RFX7: variants seen among roughly 807,000 people sequenced by gnomAD.
RFX7 encodes regulatory factor X7.
A neutral mutation model predicts 111.8 loss-of-function variants in RFX7; 26 were observed. The observed-to-expected ratio is 0.23, with a 90% CI of 0.17 to 0.32. RFX7 has a LOEUF of 0.32. Ranked by LOEUF, RFX7 falls within the 10% of genes least tolerant of loss-of-function variation. The pLI is 1.00. For missense variants in RFX7, 1,573 were observed against 1,772.9 expected, an observed-to-expected ratio of 0.89 and a Z score of 2.02; for synonymous variants, 624 against 624.4, an observed-to-expected ratio of 1.00 and a Z score of 0.01.
Position 56,179,282 on chromosome 15 carries a change from C to A in RFX7, c.183G>T (p.Val61=). 7.8e-7 allele frequency: 1 copy of A among 1,286,776 alleles called. No homozygotes were observed. Among genetic ancestry groups the A allele is most frequent in the East Asian group, 5.1e-5 (1 of 19,788 alleles). 79.7% of individuals were successfully genotyped at this position (1,286,776 alleles called of 1,614,324 possible). A position where few individuals can be genotyped will look rare whatever the true frequency, so the allele number is the denominator to read the frequency against. Residue 61 remains valine (V), a synonymous_variant, in exon 3 of 10, where the codon GTG becomes GTT. Coordinates refer to ENST00000559447, the MANE Select transcript of RFX7 (RefSeq NM_022841.7). ...TTATTTCACTTACCAAAATGCAGTCCACTTTAGATTGTACAGTTTTGCTAA... is the reference window on the plus strand; with the variant it reads ...TTATTTCACTTACCAAAATGCAGTCAACTTTAGATTGTACAGTTTTGCTAA... ...NSICKTVQSK[V]DCILQEVEKF... is the part of the protein sequence containing the mutation.
chr15:56,124,330 G>A (rs1479203968), intron 5 of RFX7, among the ~76,000 whole-genome samples: 1 of 151,878 alleles, frequency 6.6e-6, no homozygotes, highest in African/African-American at 2.4e-5. Flanking sequence ...GCTGAGGCAG[G>A]AGAATGGTGT....
At chr15:56,197,224 ATTATT>A (rs1216881787) in intron 2 of RFX7, among the ~76,000 whole-genome samples, 1 of 151,896 alleles carries the variant, frequency 6.6e-6, no homozygotes, top group Non-Finnish European at 1.5e-5. Context: ...GGTGGTTTTT[ATTATT>A]TTATTTACTA....
intron 5 of RFX7, among the ~76,000 whole-genome samples, chr15:56,133,246 C>A (rs562281700): frequency 6.6e-6 from 1 of 152,070 alleles, no homozygotes; most frequent in Admixed American, 6.6e-5. Context: ...ACTGTTTTTG[C>A]ATACTGAAAG....
chr15:56,189,544 T>C (rs1179295281), intron 2 of RFX7, among the ~76,000 whole-genome samples: 3 of 151,600 alleles, frequency 2.0e-5, no homozygotes, highest in Admixed American at 1.3e-4. Context: ...TACAACTCCA[T>C]AGTAAAGACA....
chr15:56,102,237 G>C lies in RFX7; in HGVS notation c.535C>G (p.Leu179Val), dbSNP rs1484500035. The C allele has an allele frequency of 1.3e-5, 21 of 1,609,374 alleles. No homozygotes were observed. The highest frequency in any genetic ancestry group is 1.7e-5 in the Non-Finnish European group (20 of 1,176,702). ...ATATGAACAAAAGCTTTTTTTCTTAGTCCACTGTAGCAATATGTAATAAAC... is the reference window on the plus strand; with the variant it reads ...ATATGAACAAAAGCTTTTTTTCTTACTCCACTGTAGCAATATGTAATAAAC... Reference protein sequence around the residue: ...RGKSKYCYSGLRKKAFVHMPT... With the variant: ...RGKSKYCYSGVRKKAFVHMPT... The change falls in exon 7 of 10, where the codon CTA becomes GTA. Residue 179 changes from leucine (L) to valine (V), a missense_variant. Transcript: ENST00000559447.
At chr15:56,151,395 A>G (rs1044022963) in intron 3 of RFX7, among the ~76,000 whole-genome samples, 3 of 152,332 alleles carry the variant, frequency 2.0e-5, no homozygotes, top group South Asian at 2.1e-4. Flanking sequence ...AGAGAGTGGG[A>G]GCCAATATTC....
At chr15:56,185,171 T>C (rs2043024505) in intron 2 of RFX7, among the ~76,000 whole-genome samples, 1 of 152,202 alleles carries the variant, frequency 6.6e-6, no homozygotes, top group Non-Finnish European at 1.5e-5. Context: ...TAGTATTTTG[T>C]TATTTACTTT....
chr15:56,232,289 T>C (rs375155960), intron 2 of RFX7, among the ~76,000 whole-genome samples: 3 of 152,202 alleles, frequency 2.0e-5, no homozygotes, highest in Non-Finnish European at 4.4e-5. Flanking sequence ...TGTCTGGACA[T>C]CCAGCTGTTT....
chr15:56,095,675 T>C lies in RFX7; in HGVS notation c.2053A>G (p.Ile685Val). The C allele has an allele frequency of 6.2e-7, 1 of 1,613,998 alleles. No individual in the cohort carries two copies. Among genetic ancestry groups the C allele is most frequent in the Non-Finnish European group, 8.5e-7 (1 of 1,179,862 alleles). ...PIVEQLSAAT[I>V]EGQKQGSVKK... Reference sequence around the variant, plus strand: ...ACACTGCCTTGTTTCTGCCCTTCTATGGTAGCTGCTGAAAGCTGTTCCACA... The same window carrying C: ...ACACTGCCTTGTTTCTGCCCTTCTACGGTAGCTGCTGAAAGCTGTTCCACA... The change falls in exon 10 of 10, where the codon ATA (isoleucine) becomes GTA (valine). Residue 685 changes from isoleucine (I) to valine (V), a missense_variant. This residue lies in a region of RFX7 where 625 missense variants were observed against 632.2 expected (regional missense o/e 0.99). Transcript: ENST00000559447.
chr15:56,208,319 G>A (rs1426901263), intron 2 of RFX7, among the ~76,000 whole-genome samples: 2 of 152,146 alleles, frequency 1.3e-5, no homozygotes, highest in Non-Finnish European at 2.9e-5. Flanking sequence ...TAGCCATCCT[G>A]TTCCAAGTAA....
At chr15:56,168,223 A>C (rs1328624739) in intron 3 of RFX7, among the ~76,000 whole-genome samples, 1 of 152,234 alleles carries the variant, frequency 6.6e-6, no homozygotes, top group African/African-American at 2.4e-5. Flanking sequence ...ATGAGGACTG[A>C]ATGATAAAAC....
intron 2 of RFX7, among the ~76,000 whole-genome samples, chr15:56,210,673 G>C (rs1246777885): frequency 2.6e-5 from 4 of 151,774 alleles, no homozygotes; most frequent in African/African-American, 9.7e-5. Flanking sequence ...CAAAATACGT[G>C]GAAATTAAAC....
intron 6 of RFX7, among the ~76,000 whole-genome samples, 159 bp from the exon 7 acceptor site, chr15:56,102,412 T>C (rs1310070218): frequency 1.3e-5 from 2 of 152,210 alleles, no homozygotes; most frequent in Admixed American, 1.3e-4. Flanking sequence ...TATTAAAAAC[T>C]TGGGACACTT....
At chr15:56,112,121 A>G (rs1302546524) in intron 5 of RFX7, among the ~76,000 whole-genome samples, 2 of 151,394 alleles carry the variant, frequency 1.3e-5, no homozygotes, top group African/African-American at 4.8e-5. Context: ...CCCCAGAAAA[A>G]AAAAAAAAAA....
intron 3 of RFX7, among the ~76,000 whole-genome samples, chr15:56,158,241 C>G (rs887561529): frequency 6.6e-5 from 10 of 152,110 alleles, no homozygotes; most frequent in African/African-American, 2.4e-4. Context: ...CCAGATTTGC[C>G]ACTCATTAGC....
At chr15:56,155,850 T>G (rs189844007) in intron 3 of RFX7, among the ~76,000 whole-genome samples, 46 of 152,232 alleles carry the variant, frequency 3.0e-4, no homozygotes, top group Non-Finnish European at 5.4e-4. Flanking sequence ...AGTATTTAAC[T>G]TATTTTGAAT....
intron 2 of RFX7, among the ~76,000 whole-genome samples, chr15:56,236,309 C>T (rs2043622798): frequency 6.6e-6 from 1 of 152,172 alleles, no homozygotes. Context: ...ATCTTAATCT[C>T]ATAGTCAGCA....
intron 3 of RFX7, among the ~76,000 whole-genome samples, chr15:56,168,763 A>G (rs1467279545): frequency 6.6e-6 from 1 of 152,224 alleles, no homozygotes; most frequent in African/African-American, 2.4e-5. Context: ...CTGAATAAAA[A>G]GATGGCTTCC....
At chr15:56,243,063 A>G (rs61262976) in intron 2 of RFX7, 62 bp downstream of exon 2, 3 of 544,106 alleles carry the variant, frequency 5.5e-6, no homozygotes, top group Non-Finnish European at 9.2e-6. Flanking sequence ...GCCGCCCCCC[A>G]CCCACTTTGC....
Sources: allele counts gnomAD v4.1 joint callset (sites outside exome capture counted in the v4.1 genomes callset), GRCh38; gene constraint gnomAD v4.1.1; regional missense constraint gnomAD v4.1.1; transcripts MANE v1.5; gene names NCBI Gene and HGNC (gene_info 2026-07-23, HGNC 2026-07-21).